Variants in DPP6 observed in about 807,000 individuals in gnomAD.
The protein encoded by DPP6 is A-type potassium channel modulatory protein DPP6.
Under a neutral mutation model 122.6 loss-of-function variants are expected in DPP6, and 69 were observed. That is an observed-to-expected ratio of 0.56 (90% CI 0.46 to 0.69). The LOEUF (loss-of-function observed/expected upper bound fraction) is 0.69. DPP6 is among the 30% of genes least tolerant of loss of function. DPP6 has a pLI of 0.00. For missense variants in DPP6, 928 were observed against 1,116.9 expected (o/e 0.83, Z 2.41); for synonymous variants, 418 against 433.1 (o/e 0.97, Z 0.43).
intron 7 of DPP6, among the ~76,000 whole-genome samples, chr7:154,679,106 G>A (rs1365190683): frequency 6.6e-6 from 1 of 152,190 alleles, no homozygotes; most frequent in Non-Finnish European, 1.5e-5. Context: ...AGAGACAGAA[G>A]CTAGGGTTGG....
chr7:154,603,656 C>CAA (rs779501891), intron 5 of DPP6, among the ~76,000 whole-genome samples: 2,939 of 24,956 alleles, frequency 0.12, 756 homozygotes, highest in Middle Eastern at 0.33. Context: ...AACTCTGTCT[C>CAA]AAAAAAAAAA....
At chr7:154,059,364 G>C (rs1003266825) in intron 1 of DPP6, 1 of 155,472 alleles carries the variant, frequency 6.4e-6, no homozygotes, top group African/African-American at 2.5e-5. Context: ...AGATCCTTAG[G>C]ACCCACCTGG....
At chr7:154,586,829 C>T (rs1832486520) in intron 5 of DPP6, among the ~76,000 whole-genome samples, 1 of 152,194 alleles carries the variant, frequency 6.6e-6, no homozygotes, top group Non-Finnish European at 1.5e-5. Context: ...GAGCACCTCC[C>T]CAGATACCCC....
At chr7:154,056,853 T>A (rs911422814) in intron 1 of DPP6, among the ~76,000 whole-genome samples, 6 of 152,276 alleles carry the variant, frequency 3.9e-5, no homozygotes, top group African/African-American at 1.4e-4. Flanking sequence ...AATATGTTTT[T>A]ATACTCTATT....
intron 2 of DPP6, among the ~76,000 whole-genome samples, chr7:154,474,279 C>T (rs56075773): frequency 0.038 from 5,802 of 152,266 alleles, 208 homozygotes; most frequent in African/African-American, 0.083. Context: ...CACCCACTGA[C>T]GCCATTAACT....
At chr7:154,305,335 T>TTGGGGCCCCC in intron 1 of DPP6, 9 of 1,024,740 alleles carry the variant, frequency 8.8e-6, no homozygotes, top group South Asian at 3.0e-5. Flanking sequence ...TCGTCTTGTC[T>TTGGGGCCCCC]ACCCACCCTC....
chr7:154,660,679 T>C (rs1286230520), intron 6 of DPP6, among the ~76,000 whole-genome samples: 3 of 128,666 alleles, frequency 2.3e-5, no homozygotes, highest in African/African-American at 6.7e-5. Context: ...AGTATTCATA[T>C]AGTCATGGTG....
chr7:154,365,563 A>G (rs1364657278), intron 1 of DPP6, among the ~76,000 whole-genome samples: 1 of 152,160 alleles, frequency 6.6e-6, no homozygotes, highest in African/African-American at 2.4e-5. Context: ...TGGTCCATTT[A>G]TGCTCAGAGT....
At chr7:154,638,518 C>T (rs979307414) in intron 6 of DPP6, among the ~76,000 whole-genome samples, 6 of 152,132 alleles carry the variant, frequency 3.9e-5, no homozygotes, top group Non-Finnish European at 5.9e-5. Context: ...CTGGGCCCCC[C>T]GGCTTCATTC....
chr7:154,555,587 G>A (rs183835625), intron 4 of DPP6, among the ~76,000 whole-genome samples: 28 of 151,694 alleles, frequency 1.8e-4, no homozygotes, highest in African/African-American at 4.1e-4. Flanking sequence ...TGCATGTTGC[G>A]CACATGTACC....
chr7:153,980,064 G>A (rs970823193), intron 1 of DPP6, among the ~76,000 whole-genome samples: 3 of 152,200 alleles, frequency 2.0e-5, no homozygotes, highest in African/African-American at 7.2e-5. Context: ...CCTCAAAAAT[G>A]AGTTAGGGAG....
At chr7:154,873,764 ACGCACATG>A (rs1804584546) in intron 19 of DPP6, among the ~76,000 whole-genome samples, 1 of 151,816 alleles carries the variant, frequency 6.6e-6, no homozygotes, top group African/African-American at 2.4e-5. Flanking sequence ...ACACAGGCAC[ACGCACATG>A]CACACACACC....
At chr7:154,794,596 A>G (rs1171746306) in intron 11 of DPP6, among the ~76,000 whole-genome samples, 2 of 152,124 alleles carry the variant, frequency 1.3e-5, no homozygotes, top group African/African-American at 4.8e-5. Flanking sequence ...AGCCTCCCCC[A>G]GCGGGCTCCA....
rs563892260 is a variant in DPP6, at chr7:154,310,669, G to T, written c.244-135545G>T. On this transcript the variant is annotated intron_variant, in intron 1 of 25. Coordinates refer to ENST00000377770, the MANE Select transcript of DPP6 (RefSeq NM_130797.4). Reference sequence around the variant, plus strand: ...TCAAAACCTTCAAATGCTCCATGGAGAACACGTGAGGGCTGGAGGGTGCTT... The same window carrying T: ...TCAAAACCTTCAAATGCTCCATGGATAACACGTGAGGGCTGGAGGGTGCTT... Among the ~76,000 whole-genome samples, 5 of 152,302 alleles carry T rather than the reference G, an allele frequency of 3.3e-5. No homozygotes were observed. In the East Asian group the frequency reaches 9.6e-4, roughly 29 times the overall value.
rs1461010158 is a variant in DPP6, at chr7:154,891,943, A to G, written c.2452-391A>G. 3.3e-5 allele frequency among the ~76,000 whole-genome samples: 5 copies of G among 152,120 alleles called. No homozygotes were observed. The East Asian group carries it at 7.7e-4, about 23-fold the overall frequency. On this transcript the variant is annotated intron_variant, in intron 25 of 25. Coordinates refer to ENST00000377770, the MANE Select transcript of DPP6 (RefSeq NM_130797.4). ...CTCTGTAGTCCCTAAGCTTGTATCC[A>G]TGTTGCAAATTCAAGCAAGCAGATC... is the stretch of plus-strand genomic sequence containing the variant.
At chr7:154,727,618 C>A in intron 7 of DPP6, 149 bp from the exon 8 acceptor site, 3 of 1,054,618 alleles carry the variant, frequency 2.8e-6, no homozygotes, top group Non-Finnish European at 3.9e-6. Flanking sequence ...GGTGGGTAGA[C>A]CTCCAAGAAT....
At chr7:153,814,770 C>G in the DPP6 span, among the ~76,000 whole-genome samples, 1,383 of 152,038 alleles carry the variant, frequency 9.1e-3, 9 homozygotes, top group Non-Finnish European at 0.011. Context: ...ATGATCAAGT[C>G]GGCTTCATCC....
intron 5 of DPP6, among the ~76,000 whole-genome samples, chr7:154,600,996 CAGG>C (rs1020327772): frequency 2.5e-5 from 3 of 120,678 alleles, no homozygotes; most frequent in African/African-American, 7.9e-5. Context: ...GAGGCTGAGG[CAGG>C]AGAATCGCTT....
intron 1 of DPP6, among the ~76,000 whole-genome samples, chr7:154,363,997 G>A (rs1007204508): frequency 3.3e-5 from 5 of 152,280 alleles, no homozygotes; most frequent in East Asian, 3.9e-4. Context: ...AAGTCAGGGC[G>A]GTGGGGAGTG....
Sources: gnomAD v4.1 joint callset for allele counts (sites outside exome capture counted in the v4.1 genomes callset) on GRCh38, gnomAD v4.1.1 for gene constraint, MANE v1.5 for transcripts, NCBI Gene and HGNC (gene_info 2026-07-23, HGNC 2026-07-21) for gene names.